SLC7A2: variants seen among roughly 807,000 people sequenced by gnomAD.
SLC7A2 encodes the protein solute carrier family 7 member 2.
A neutral mutation model predicts 58.9 loss-of-function variants in SLC7A2; 48 were observed. The ratio of observed to expected loss-of-function variants is 0.82; its 90% CI spans 0.65 to 1.04. The LOEUF is 1.04. SLC7A2 is among the 50% of genes least tolerant of loss of function. The pLI, the probability that SLC7A2 is intolerant of heterozygous loss-of-function variation, is 0.00. For synonymous variants in SLC7A2, 363 were observed against 314.5 expected (o/e 1.15, Z -1.63); for missense variants, 1,029 against 818.8 (o/e 1.26, Z -3.13).
chr8:17,534,360 T>C (rs1231924790), intron 2 of SLC7A2, among the ~76,000 whole-genome samples: 1 of 152,128 alleles, frequency 6.6e-6, no homozygotes, highest in African/African-American at 2.4e-5. Flanking sequence ...TGAGAAGTGA[T>C]TACCCTTTTG....
intron 1 of SLC7A2, among the ~76,000 whole-genome samples, chr8:17,500,955 A>T (rs1800134376): frequency 6.6e-6 from 1 of 151,380 alleles, no homozygotes; most frequent in Admixed American, 6.6e-5. Context: ...GGAAACTGTT[A>T]TATATCAGTC....
At position 17,565,104 on chromosome 8, in the gene SLC7A2, C is replaced by CA. The variant is rs1372133921; in HGVS notation, c.1936dup (p.Ser646LysfsTer8). On this transcript the variant is annotated frameshift_variant, in exon 13 of 13. Coordinates refer to ENST00000494857, the MANE Select transcript of SLC7A2 (RefSeq NM_001370338.1). LOFTEE classifies it high-confidence loss of function. ...CAAATGACCATCACCCAAGAAATCT[C>CA]AGTTCACCTTTCATATTCCATGAAA... is the stretch of plus-strand genomic sequence containing the variant. 5.0e-6 allele frequency: 8 copies of CA among 1,613,764 alleles called. No homozygotes were observed. Among genetic ancestry groups the CA allele is most frequent in the East Asian group, 4.5e-5 (2 of 44,858 alleles).
At position 17,551,813 on chromosome 8, in the gene SLC7A2, G is replaced by A. The variant is rs751070081; in HGVS notation, c.882G>A (p.Thr294=). 22 of 1,613,792 alleles carry A rather than the reference G, an allele frequency of 1.4e-5. No individual in the cohort carries two copies. Among genetic ancestry groups the A allele is most frequent in the South Asian group, 5.5e-5 (5 of 91,084 alleles). Residue 294 remains threonine, a synonymous_variant, in exon 7 of 13, where the codon ACG becomes ACA. Coordinates refer to ENST00000494857, the MANE Select transcript of SLC7A2 (RefSeq NM_001370338.1). The part of the protein sequence containing the change: ...PQKAIPIGIV[T]SLLVCFMAYF... Reference sequence around the variant, plus strand: ...AAGCTATTCCCATTGGAATTGTGACGTCTTTGCTTGTTTGCTTTATGGCCT... The same window carrying A: ...AAGCTATTCCCATTGGAATTGTGACATCTTTGCTTGTTTGCTTTATGGCCT...
intron 1 of SLC7A2, among the ~76,000 whole-genome samples, chr8:17,500,819 C>G (rs1215402538): frequency 2.7e-5 from 4 of 146,642 alleles, no homozygotes; most frequent in Admixed American, 2.7e-4. Flanking sequence ...CACACACACA[C>G]ACACACACAC....
chr8:17,494,479 A>C (rs1047404242), upstream of SLC7A2, among the ~76,000 whole-genome samples: 1 of 152,226 alleles, frequency 6.6e-6, no homozygotes, highest in East Asian at 1.9e-4. Context: ...GCAATAAACC[A>C]GGGAGCGTGA....
intron 8 of SLC7A2, among the ~76,000 whole-genome samples, chr8:17,556,548 A>G (rs1802711510): frequency 6.6e-6 from 1 of 151,798 alleles, no homozygotes; most frequent in Non-Finnish European, 1.5e-5. Context: ...TGGCTACCTT[A>G]TTTGGCTCTC....
intron 1 of SLC7A2, among the ~76,000 whole-genome samples, chr8:17,499,498 C>A (rs948137083): frequency 6.6e-6 from 1 of 151,242 alleles, no homozygotes; most frequent in African/African-American, 2.4e-5. Flanking sequence ...AGAACAGAAT[C>A]TTGGGAGCAC....
chr8:17,548,874 T>G (rs1473772014), intron 5 of SLC7A2, 31 bp downstream of exon 5: 3 of 1,561,696 alleles, frequency 1.9e-6, no homozygotes, highest in Non-Finnish European at 2.6e-6. Flanking sequence ...TTTTTTCTCC[T>G]TCTTGTTTAA....
At chr8:17,500,835 C>G (rs1800129129) in intron 1 of SLC7A2, among the ~76,000 whole-genome samples, 1 of 144,770 alleles carries the variant, frequency 6.9e-6, no homozygotes, top group East Asian at 2.2e-4. Flanking sequence ...CACACACACA[C>G]ACACACACAG....
intron 7 of SLC7A2, 137 bp downstream of exon 7, chr8:17,552,123 C>G: frequency 3.0e-6 from 2 of 662,102 alleles, no homozygotes; most frequent in South Asian, 4.0e-5. Flanking sequence ...TATTGATTGG[C>G]TTGCTCAGAA....
At chr8:17,547,305 A>G (rs934456560) in intron 4 of SLC7A2, among the ~76,000 whole-genome samples, 2 of 152,140 alleles carry the variant, frequency 1.3e-5, no homozygotes, top group African/African-American at 4.8e-5. Context: ...TAAAACCATC[A>G]GATCTCATGA....
At chr8:17,499,306 C>G (rs970993837) in intron 1 of SLC7A2, 3 of 150,666 alleles carry the variant, frequency 2.0e-5, no homozygotes, top group African/African-American at 7.3e-5. Context: ...CCCTCTTTCC[C>G]TCCTTCTCCC....
intron 4 of SLC7A2, among the ~76,000 whole-genome samples, chr8:17,547,622 A>T (rs1802234655): frequency 6.6e-6 from 1 of 152,220 alleles, no homozygotes; most frequent in South Asian, 2.1e-4. Context: ...GTGTAGAAAG[A>T]TATTTATAAA....
intron 2 of SLC7A2, among the ~76,000 whole-genome samples, chr8:17,538,570 T>C (rs1438340061): frequency 6.6e-6 from 1 of 152,128 alleles, no homozygotes; most frequent in Admixed American, 6.5e-5. Flanking sequence ...AGAATAAAAG[T>C]CAATAAATCC....
chr8:17,509,204 T>C (rs1800495512), intron 2 of SLC7A2, among the ~76,000 whole-genome samples: 1 of 152,256 alleles, frequency 6.6e-6, no homozygotes, highest in South Asian at 2.1e-4. Context: ...AGTTGAACTA[T>C]ATAATCTGAA....
chr8:17,534,266 A>G (rs986953975), intron 2 of SLC7A2, among the ~76,000 whole-genome samples: 1 of 152,210 alleles, frequency 6.6e-6, no homozygotes, highest in Non-Finnish European at 1.5e-5. Context: ...TTATGTGGAC[A>G]GTGGATTCAA....
chr8:17,500,437 C>A (rs1800107760), intron 1 of SLC7A2: 1 of 152,108 alleles, frequency 6.6e-6, no homozygotes, highest in Non-Finnish European at 1.5e-5. Context: ...CAAAACGCAG[C>A]CAAATCGGGC....
At chr8:17,518,382 T>G (rs13252878) in intron 2 of SLC7A2, among the ~76,000 whole-genome samples, 78,520 of 152,006 alleles carry the variant, frequency 0.52, 22,267 homozygotes, top group Non-Finnish European at 0.64. Flanking sequence ...CCTTAAGGCA[T>G]ATTCTGGAAT....
intron 2 of SLC7A2, among the ~76,000 whole-genome samples, chr8:17,506,348 C>A (rs145876440): frequency 6.6e-6 from 1 of 152,126 alleles, no homozygotes; most frequent in African/African-American, 2.4e-5. Flanking sequence ...ATGAATAAGT[C>A]TAGGTGTCCT....
Sources: allele counts gnomAD v4.1 joint callset (sites outside exome capture counted in the v4.1 genomes callset), GRCh38; gene constraint gnomAD v4.1.1; transcripts MANE v1.5; gene names NCBI Gene and HGNC (gene_info 2026-07-23, HGNC 2026-07-21).